The following C1QTNF1 variants were observed in gnomAD, a reference collection of about 807,000 sequenced individuals.
C1QTNF1 encodes the protein C1q and TNF related 1, also known as complement C1q tumor necrosis factor-related protein 1.
In C1QTNF1, 22 loss-of-function variants were observed where a neutral mutation model predicts 27.8. That is an observed-to-expected ratio of 0.79 (90% CI 0.56 to 1.13). C1QTNF1 has a LOEUF of 1.13. C1QTNF1 is among the 50% of genes most tolerant of loss of function. C1QTNF1 has a pLI of 0.00. For synonymous variants in C1QTNF1, 166 were observed against 154.3 expected (o/e 1.08, Z -0.56); for missense variants, 373 against 380.2 (o/e 0.98, Z 0.16).
Position 79,048,025 on chromosome 17 carries a change from C to G in C1QTNF1, c.783C>G (p.Ser261Arg). Residue 261 changes from serine (S) to arginine (R), a missense_variant, in exon 4 of 4, where the codon AGC (serine) becomes AGG (arginine). Ser to Arg is a moderately radical substitution (Grantham distance 110). Coordinates refer to ENST00000579760, the MANE Select transcript of C1QTNF1 (RefSeq NM_030968.5). The stretch of plus-strand genomic sequence containing the variant: ...GCGAACGTGAGAACGCCATCTTCAG[C>G]GAGGAGCTGGACACCTACATCACCT... ...YKGERENAIF[S>R]EELDTYITFS... The G allele has an allele frequency of 1.2e-6, 2 of 1,604,190 alleles. No individual in the cohort carries two copies. The highest frequency in any genetic ancestry group is 1.1e-5 in the South Asian group (1 of 90,420).
chr17:79,025,015 CT>C (rs2071895233), intron 1 of C1QTNF1: 2 of 152,350 alleles, frequency 1.3e-5, no homozygotes, highest in Non-Finnish European at 2.9e-5. Flanking sequence ...GAAGCGCTGA[CT>C]TTGGCCCCCC....
At chr17:79,042,134 C>T (rs62063353) in intron 1 of C1QTNF1, among the ~76,000 whole-genome samples, 12,382 of 152,246 alleles carry the variant, frequency 0.081, 594 homozygotes, top group Middle Eastern at 0.13. Flanking sequence ...ACGGGGCCTG[C>T]GACATTTCGA....
chr17:79,035,005 G>A (rs1228789174), intron 1 of C1QTNF1, among the ~76,000 whole-genome samples: 1 of 152,176 alleles, frequency 6.6e-6, no homozygotes, highest in Non-Finnish European at 1.5e-5. Flanking sequence ...TATTAAATGG[G>A]CTTCTAGAAG....
rs544502726 is a variant in C1QTNF1, at chr17:79,028,244, G to A, written c.-15+3750G>A. Reference sequence around the variant, plus strand: ...TGGGTCAAATGTTGTTCTTGGCCACGGCTAAAGCCACACTTGGTGGAATGC... The same window carrying A: ...TGGGTCAAATGTTGTTCTTGGCCACAGCTAAAGCCACACTTGGTGGAATGC... On this transcript the variant is annotated intron_variant, in intron 1 of 3. Transcript: ENST00000579760. Among the ~76,000 whole-genome samples the A allele has an allele frequency of 2.6e-5, 4 of 152,322 alleles. No individual in the cohort carries two copies. In the South Asian group the frequency reaches 6.2e-4, roughly 24 times the overall value.
intron 1 of C1QTNF1, among the ~76,000 whole-genome samples, chr17:79,028,315 A>C (rs1001615503): frequency 1.3e-5 from 2 of 152,214 alleles, no homozygotes; most frequent in African/African-American, 2.4e-5. Context: ...TCAGCAAGAC[A>C]TCTGGATAAC....
Position 79,046,838 on chromosome 17 carries a change from T to C in C1QTNF1, c.295+144T>C. The C allele has an allele frequency of 9.1e-7, 1 of 1,097,898 alleles. No individual in the cohort carries two copies. Among genetic ancestry groups the C allele is most frequent in the Non-Finnish European group, 1.3e-6 (1 of 778,832 alleles). The allele number at this position is 1,097,898 out of a possible 1,614,324, so 68.0% of individuals were successfully genotyped here. ...GAGCAGAGGCAGGCAGGCTGTCATC[T>C]AGAGGGGAAGGCACAGGAAATTCTG... On this transcript the variant is annotated intron_variant, in intron 3 of 3. Coordinates refer to ENST00000579760, the MANE Select transcript of C1QTNF1 (RefSeq NM_030968.5). The surrounding 1 kb of genome is among the most constrained non-coding windows in gnomAD (Gnocchi z 4.8).
At chr17:79,031,195 C>T (rs572532921) in intron 1 of C1QTNF1, among the ~76,000 whole-genome samples, 7 of 151,080 alleles carry the variant, frequency 4.6e-5, no homozygotes, top group Admixed American at 1.3e-4. Context: ...TTAGTAGAGA[C>T]GGGGTTTCAC....
chr17:79,042,368 G>C (rs1401034826), intron 1 of C1QTNF1, among the ~76,000 whole-genome samples: 1 of 152,262 alleles, frequency 6.6e-6, no homozygotes, highest in Non-Finnish European at 1.5e-5. Flanking sequence ...ACCTCCGTGA[G>C]CACCCCTTTC....
At chr17:79,023,104 T>C (rs2145871906), upstream of C1QTNF1, 1 of 152,306 alleles carries the variant, frequency 6.6e-6, no homozygotes, top group East Asian at 1.9e-4. Context: ...GCCTCTTAGT[T>C]TTGCTCTGAA....
rs1034775109 is a variant in C1QTNF1 at position 79,028,656 on chromosome 17, C to T, written c.-15+4162C>T. ...GGCCCATGGTCCTGAGGGTCCTCCC[C>T]GTGTGGTGCGTGAACTTAGATTCCT... On this transcript the variant is annotated intron_variant, in intron 1 of 3. Transcript: ENST00000579760. 9.8e-5 allele frequency among the ~76,000 whole-genome samples: 15 copies of T among 152,312 alleles called. No homozygotes were observed. In the East Asian group the frequency reaches 1.9e-3, roughly 20 times the overall value.
chr17:79,042,472 G>C (rs75657619), intron 1 of C1QTNF1, among the ~76,000 whole-genome samples: 1,943 of 152,360 alleles, frequency 0.013, 53 homozygotes, highest in African/African-American at 0.043. Flanking sequence ...CTTCCTGGAA[G>C]GATGACTGCT....
At chr17:79,036,364 G>A (rs2072264563) in intron 1 of C1QTNF1, among the ~76,000 whole-genome samples, 1 of 152,016 alleles carries the variant, frequency 6.6e-6, no homozygotes, top group Non-Finnish European at 1.5e-5. Flanking sequence ...TTGTAGAGAT[G>A]GGGTCTCGAT....
chr17:79,048,066 T>C lies in C1QTNF1; in HGVS notation c.824T>C (p.Val275Ala). Residue 275 changes from valine (V) to alanine (A), a missense_variant, in exon 4 of 4, where the codon GTC becomes GCC. Physicochemically the swap from Val to Ala is moderately conservative, Grantham distance 64. Transcript: ENST00000579760. ...TACATCACCTTCAGTGGCTACCTGGTCAAGCACGCCACCGAGCCCTAGCTG... is the reference window on the plus strand; with the variant it reads ...TACATCACCTTCAGTGGCTACCTGGCCAAGCACGCCACCGAGCCCTAGCTG... ...DTYITFSGYL[V>A]KHATEP The C allele has an allele frequency of 3.2e-6, 5 of 1,572,518 alleles. No homozygotes were observed. The highest frequency in any genetic ancestry group is 4.3e-6 in the Non-Finnish European group (5 of 1,163,118).
At position 79,049,765 on chromosome 17, in the gene C1QTNF1, A is replaced by T. The variant is rs1568076744; in HGVS notation, c.*1677A>T. 6.6e-6 allele frequency: 1 copy of T among 152,266 alleles called. No homozygotes were observed. The allele number at this position is 152,266 out of a possible 1,614,324, so 9.4% of individuals were successfully genotyped here. A position where few individuals can be genotyped will look rare whatever the true frequency, so the allele number is the denominator to read the frequency against. Reference sequence around the variant, plus strand: ...CCCCCAGCTCTTTCCAGAAAACATTAAACTCAGAATTGTGTTTTCAGCATC... The same window carrying T: ...CCCCCAGCTCTTTCCAGAAAACATTTAACTCAGAATTGTGTTTTCAGCATC... On this transcript the variant is annotated 3_prime_UTR_variant, in exon 4 of 4. Transcript: ENST00000579760. The surrounding 1 kb of genome is among the most constrained non-coding windows in gnomAD (Gnocchi z 4.4).
At chr17:79,043,426 CTG>C (rs36234641) in intron 1 of C1QTNF1, 24 of 449,526 alleles carry the variant, frequency 5.3e-5, no homozygotes, top group Non-Finnish European at 8.4e-5. Context: ...TGTGTGTTGA[CTG>C]TGTGCATGTG....
chr17:79,033,068 CA>C (rs58305899), intron 1 of C1QTNF1, among the ~76,000 whole-genome samples: 1,003 of 79,352 alleles, frequency 0.013, 8 homozygotes, highest in East Asian at 0.054. Flanking sequence ...AACTCTGTCT[CA>C]AAAAAAAAAA....
At chr17:79,043,388 C>T (rs1464515820) in intron 1 of C1QTNF1, 1 of 449,472 alleles carries the variant, frequency 2.2e-6, no homozygotes, top group Non-Finnish European at 4.4e-6. Flanking sequence ...TGTGTATGTG[C>T]ATGTATGTGC....
intron 1 of C1QTNF1, among the ~76,000 whole-genome samples, chr17:79,028,970 C>T (rs968602736): frequency 2.3e-4 from 35 of 152,006 alleles, no homozygotes; most frequent in Admixed American, 8.5e-4. Flanking sequence ...AATTAAACTC[C>T]GGTGGTGTAT....
intron 1 of C1QTNF1, among the ~76,000 whole-genome samples, chr17:79,040,307 CA>C (rs909433425): frequency 3.3e-5 from 5 of 152,106 alleles, no homozygotes; most frequent in African/African-American, 7.2e-5. Context: ...GAAAAAACAA[CA>C]AAAAAATTTA....
Sources: gnomAD v4.1 joint callset for allele counts (sites outside exome capture counted in the v4.1 genomes callset) on GRCh38, gnomAD v4.1.1 for gene constraint, Gnocchi (gnomAD v3.1) non-coding constraint, MANE v1.5 for transcripts, NCBI Gene and HGNC (gene_info 2026-07-23, HGNC 2026-07-21) for gene names.